The following LONRF2 variants were observed in gnomAD, a reference collection of about 807,000 sequenced individuals.
LONRF2 encodes LON peptidase N-terminal domain and ring finger 2.
A neutral mutation model predicts 66.6 loss-of-function variants in LONRF2; 35 were observed. The ratio of observed to expected loss-of-function variants is 0.53; its 90% CI spans 0.40 to 0.70. The LOEUF is 0.70. LONRF2 is among the 30% of genes least tolerant of loss of function. The pLI is 0.00. For missense variants in LONRF2, 902 were observed against 1,002.1 expected (o/e 0.90, Z 1.35); for synonymous variants, 417 against 418.1 (o/e 1.00, Z 0.03).
rs1674619038 is a variant in LONRF2 at position 100,277,243 on chromosome 2, C to T, written c.*7055G>A. ...GAGTCTCTGGCCCACTTAGGATGGACATAAGGTGCCTAAGGGCTTTGGATG... is the reference window on the plus strand; with the variant it reads ...GAGTCTCTGGCCCACTTAGGATGGATATAAGGTGCCTAAGGGCTTTGGATG... On this transcript the variant is annotated 3_prime_UTR_variant, in exon 12 of 12. Coordinates refer to ENST00000393437, the MANE Select transcript of LONRF2 (RefSeq NM_198461.4). The T allele has an allele frequency of 6.6e-6, 1 of 152,166 alleles. No homozygotes were observed. Among genetic ancestry groups the T allele is most frequent in the African/African-American group, 2.4e-5 (1 of 41,426 alleles). 9.4% of individuals were successfully genotyped at this position (152,166 alleles called of 1,614,324 possible). A position where few individuals can be genotyped will look rare whatever the true frequency, so the allele number is the denominator to read the frequency against.
At chr2:100,302,123 T>C (rs1013657820) in intron 3 of LONRF2, among the ~76,000 whole-genome samples, 9 of 152,160 alleles carry the variant, frequency 5.9e-5, no homozygotes, top group African/African-American at 1.9e-4. Flanking sequence ...ACTGTGGCTG[T>C]CAAATGTAGA....
At chr2:100,285,710 G>A (rs553190225) in intron 11 of LONRF2, among the ~76,000 whole-genome samples, 6 of 152,240 alleles carry the variant, frequency 3.9e-5, no homozygotes, top group South Asian at 2.1e-4. Flanking sequence ...GAAGGAAGCC[G>A]AGGAATGCCG....
intron 3 of LONRF2, 123 bp downstream of exon 3, chr2:100,302,798 T>C (rs1255793284): frequency 1.0e-6 from 1 of 968,836 alleles, no homozygotes; most frequent in African/African-American, 1.7e-5. Context: ...GCGTTTTTTA[T>C]TGCATTATCA....
chr2:100,293,817 C>T (rs542670247), intron 9 of LONRF2, among the ~76,000 whole-genome samples: 63 of 152,248 alleles, frequency 4.1e-4, no homozygotes, highest in Non-Finnish European at 8.5e-4. Context: ...TGGGCTCAAG[C>T]GATTCTCCCA....
chr2:100,299,736 A>G lies in LONRF2; in HGVS notation c.1248T>C (p.Pro416=). The change falls in exon 5 of 12, where the codon CCT becomes CCC. Residue 416 remains proline (P), a synonymous_variant. Transcript: ENST00000393437. ...ACTGACCTTTCTTGGGAATTTTTCC[A>G]GGGGCGTTCAGGTCAGGTGCATCCT... ...DVEDAPDLNA[P]GKIPKKDLSL... 1 of 1,614,018 alleles carries G rather than the reference A, an allele frequency of 6.2e-7. No homozygotes were observed. The highest frequency in any genetic ancestry group is 8.5e-7 in the Non-Finnish European group (1 of 1,179,980).
At chr2:100,307,584 C>A (rs960949983) in intron 2 of LONRF2, among the ~76,000 whole-genome samples, 1 of 152,032 alleles carries the variant, frequency 6.6e-6, no homozygotes, top group African/African-American at 2.4e-5. Flanking sequence ...AGAAGAGTGG[C>A]AGGGGAGAGG....
At chr2:100,300,051 T>C in intron 4 of LONRF2, 133 bp from the exon 5 acceptor site, 1 of 606,844 alleles carries the variant, frequency 1.6e-6, no homozygotes, top group Non-Finnish European at 2.9e-6. Flanking sequence ...TCATAATTGG[T>C]TTCATCTGTT....
intron 1 of LONRF2, among the ~76,000 whole-genome samples, chr2:100,318,165 A>G (rs577767520): frequency 6.6e-6 from 1 of 152,076 alleles, no homozygotes; most frequent in African/African-American, 2.4e-5. Context: ...TCTGTGATTC[A>G]GTTTGGATAT....
Position 100,287,007 on chromosome 2 carries a change from C to T in LONRF2, c.1977G>A (p.Gln659=). 1 of 1,614,208 alleles carries T rather than the reference C, an allele frequency of 6.2e-7. No individual in the cohort carries two copies. The highest frequency in any genetic ancestry group is 1.7e-5 in the Admixed American group (1 of 60,024). Residue 659 remains glutamine (Q), a synonymous_variant, in exon 11 of 12, where the codon CAG becomes CAA. Transcript: ENST00000393437. The stretch of plus-strand genomic sequence containing the variant: ...GGAGAGACGCGAACCAGGAAACAGA[C>T]TGTTGATGCACAGAATCGTGGAGAG... ...LAALHDSVHQ[Q]SVSWFASLQD... is the part of the protein sequence containing the mutation.
chr2:100,303,541 T>C (rs1275444415), intron 2 of LONRF2, among the ~76,000 whole-genome samples: 3 of 152,254 alleles, frequency 2.0e-5, no homozygotes, highest in African/African-American at 7.2e-5. Context: ...TGCAGTATTT[T>C]CTCAAATCTA....
At position 100,273,578 on chromosome 2, in the gene LONRF2, A is replaced by G. The variant is rs1674539592; in HGVS notation, c.*10720T>C. The stretch of plus-strand genomic sequence containing the variant: ...ATTTAAGTTTCGTCTCACTTAGGCA[A>G]CAAGAAATGCTGAGTAGTATTATTA... On this transcript the variant is annotated 3_prime_UTR_variant, in exon 12 of 12. Transcript: ENST00000393437. 6.6e-6 allele frequency: 1 copy of G among 152,276 alleles called. No individual in the cohort carries two copies. The highest frequency in any genetic ancestry group is 6.5e-5 in the Admixed American group (1 of 15,290). 9.4% of individuals were successfully genotyped at this position (152,276 alleles called of 1,614,324 possible).
intron 7 of LONRF2, among the ~76,000 whole-genome samples, chr2:100,295,887 C>A (rs1458531466): frequency 6.6e-6 from 1 of 152,134 alleles, no homozygotes; most frequent in African/African-American, 2.4e-5. Flanking sequence ...CAATGATCAG[C>A]TTGGAAAGTG....
intron 10 of LONRF2, 47 bp from the exon 11 acceptor site, chr2:100,287,110 C>T: frequency 3.8e-6 from 6 of 1,564,564 alleles, no homozygotes; most frequent in Non-Finnish European, 5.2e-6. Context: ...CACAGTAATG[C>T]ACGTAACACA....
chr2:100,287,772 G>A (rs960667097), intron 10 of LONRF2, among the ~76,000 whole-genome samples: 17 of 152,158 alleles, frequency 1.1e-4, no homozygotes, highest in African/African-American at 4.1e-4. Flanking sequence ...AAGAGCATGG[G>A]ACTGGGAATC....
chr2:100,290,220 C>T, intron 10 of LONRF2, 38 bp downstream of exon 10: 1 of 1,569,620 alleles, frequency 6.4e-7, no homozygotes, highest in Non-Finnish European at 8.7e-7. Flanking sequence ...AGCGAGAGGA[C>T]CGACTGCTAT....
rs903029632 is a variant in LONRF2 at position 100,286,911 on chromosome 2, T to C, written c.2070+3A>G. 2.5e-6 allele frequency: 4 copies of C among 1,613,234 alleles called. No homozygotes were observed. In the African/African-American group the frequency reaches 4.0e-5, roughly 16 times the overall value. On this transcript the variant is annotated splice_donor_region_variant and intron_variant, in intron 11 of 11. Transcript: ENST00000393437. ...AATTATAAAGGAAAAAGGGAGGGCA[T>C]ACCTGAGGCTCAGGTTCTCTGTCTG...
At chr2:100,300,224 T>C (rs1675157030) in intron 4 of LONRF2, among the ~76,000 whole-genome samples, 1 of 150,162 alleles carries the variant, frequency 6.7e-6, no homozygotes. Context: ...TAAAATCATA[T>C]ATCATATTCA....
In LONRF2 at chr2:100,283,328, A is replaced by G. The variant is rs1342404361; in HGVS notation, c.*970T>C. The stretch of plus-strand genomic sequence containing the variant: ...ATTCTGATCTATTTTCCTGGAATAG[A>G]TAGATTACCATGGCATGGCAGATTT... On this transcript the variant is annotated 3_prime_UTR_variant, in exon 12 of 12. Transcript: ENST00000393437. The G allele has an allele frequency of 1.3e-5, 2 of 152,200 alleles. No individual in the cohort carries two copies. 9.4% of individuals were successfully genotyped at this position (152,200 alleles called of 1,614,324 possible). A position where few individuals can be genotyped will look rare whatever the true frequency, so the allele number is the denominator to read the frequency against.
At chr2:100,304,623 C>CTTTTTT (rs1559179997) in intron 2 of LONRF2, among the ~76,000 whole-genome samples, 3 of 92,356 alleles carry the variant, frequency 3.2e-5, no homozygotes, top group African/African-American at 1.4e-4. Flanking sequence ...TTTTAGTTGA[C>CTTTTTT]TGTTTTTTTT....
Sources: gnomAD v4.1 joint callset for allele counts (sites outside exome capture counted in the v4.1 genomes callset) on GRCh38, gnomAD v4.1.1 for gene constraint, MANE v1.5 for transcripts, NCBI Gene and HGNC (gene_info 2026-07-23, HGNC 2026-07-21) for gene names.